The following TDRD12 variants were observed in gnomAD, a reference collection of about 807,000 sequenced individuals.
TDRD12 encodes the protein tudor domain containing 12.
In TDRD12, 158 loss-of-function variants were observed where a neutral mutation model predicts 133.5. The observed-to-expected ratio is 1.18, with a 90% CI of 1.04 to 1.35. The LOEUF is 1.35. Among genes scored for constraint, TDRD12 ranks in the 40% most tolerant of loss-of-function variants. The pLI is 0.00. For missense variants in TDRD12, 1,443 were observed against 1,321.3 expected, an observed-to-expected ratio of 1.09 and a Z score of -1.43; for synonymous variants, 460 against 477.9, an observed-to-expected ratio of 0.96 and a Z score of 0.49.
At chr19:32,739,477 C>G (rs1272254145) in intron 3 of TDRD12, among the ~76,000 whole-genome samples, 1 of 135,512 alleles carries the variant, frequency 7.4e-6, no homozygotes, top group Non-Finnish European at 1.6e-5. Flanking sequence ...GGGGTTCTTC[C>G]TGCATCTCCT....
chr19:32,731,997 A>C, intron 2 of TDRD12, 114 bp downstream of exon 2: 4 of 1,103,542 alleles, frequency 3.6e-6, no homozygotes, highest in Non-Finnish European at 5.0e-6. Context: ...TCTTACACTC[A>C]GTGCCTTGTG....
intron 2 of TDRD12, among the ~76,000 whole-genome samples, chr19:32,737,903 C>T (rs930292160): frequency 1.5e-4 from 23 of 152,078 alleles, no homozygotes; most frequent in Non-Finnish European, 2.9e-4. Context: ...GAGGCCGAGG[C>T]GGGTGGATCA....
exon 8 of TDRD12, chr19:32,826,331 G>T (rs1967588584): frequency 1.5e-6 from 2 of 1,351,228 alleles, no homozygotes; most frequent in South Asian, 4.4e-5. Flanking sequence ...ACAAGTGTCA[G>T]TATTTAAGGG....
At chr19:32,807,294 AAAG>A (rs1971581518) in intron 21 of TDRD12, among the ~76,000 whole-genome samples, 2 of 145,402 alleles carry the variant, frequency 1.4e-5, no homozygotes, top group Admixed American at 6.9e-5. Flanking sequence ...AAAAAAAAAA[AAAG>A]AAAGTTTGCT....
chr19:32,746,145 A>G (rs887605469), intron 4 of TDRD12, among the ~76,000 whole-genome samples: 5 of 147,710 alleles, frequency 3.4e-5, no homozygotes, highest in African/African-American at 1.3e-4. Flanking sequence ...ACGGGGAGAG[A>G]GACTGGCTGA....
At chr19:32,735,837 G>T (rs1969206324) in intron 2 of TDRD12, among the ~76,000 whole-genome samples, 1 of 152,182 alleles carries the variant, frequency 6.6e-6, no homozygotes. Context: ...AGGTGTGGTG[G>T]CGGACACCTG....
chr19:32,817,969 C>CA (rs77102946), intron 26 of TDRD12, 120 bp from the exon 27 acceptor site: 79,397 of 566,616 alleles, frequency 0.14, 17 homozygotes, highest in East Asian at 0.17. Flanking sequence ...GCCTCTGTCT[C>CA]AAAAAAAAAA....
chr19:32,821,093 A>G, exon 28 of TDRD12: 1 of 1,535,994 alleles, frequency 6.5e-7, no homozygotes, highest in Non-Finnish European at 8.7e-7. Flanking sequence ...ACACGGGTGC[A>G]GAAGGAGGGG....
Position 32,729,778 on chromosome 19 carries a change from C to CTTTTTTTT in TDRD12, c.25-1926_25-1919dup, listed in dbSNP as rs1162347194. Among the ~76,000 whole-genome samples the CTTTTTTTT allele has an allele frequency of 5.1e-3, 378 of 73,726 alleles. 13 individuals carry two copies. The highest frequency in any genetic ancestry group is 0.023 in the Middle Eastern group (2 of 86). 48.4% of individuals were successfully genotyped at this position (73,726 alleles called of 152,430 possible). On this transcript the variant is annotated intron_variant, in intron 1 of 27. Transcript: ENST00000444215. ...TTTCTGGTGACTACTTTTTCTTTTT[C>CTTTTTTTT]TTTTTTTTTTTTTTTTTTTTTTTTT...
intron 11 of TDRD12, 89 bp from the exon 12 acceptor site, chr19:32,790,442 C>T: frequency 7.7e-7 from 1 of 1,300,640 alleles, no homozygotes; most frequent in Non-Finnish European, 1.1e-6. Flanking sequence ...GCAGCCCCTG[C>T]TATCTCTGTC....
intron 4 of TDRD12, among the ~76,000 whole-genome samples, chr19:32,747,550 T>G (rs1390972711): frequency 6.6e-6 from 1 of 152,172 alleles, no homozygotes; most frequent in Non-Finnish European, 1.5e-5. Flanking sequence ...TGACATTTTA[T>G]TTTTTTCCTT....
intron 13 of TDRD12, among the ~76,000 whole-genome samples, chr19:32,792,119 G>A (rs748038526): frequency 2.6e-5 from 4 of 151,996 alleles, no homozygotes; most frequent in African/African-American, 4.8e-5. Context: ...GGTGGTACAT[G>A]CCTGTAGTCC....
At chr19:32,804,538 C>CA (rs1294816062) in intron 21 of TDRD12, among the ~76,000 whole-genome samples, 1 of 150,954 alleles carries the variant, frequency 6.6e-6, no homozygotes, top group Non-Finnish European at 1.5e-5. Flanking sequence ...CTAAAAAATA[C>CA]AAAAATTAGC....
chr19:32,747,441 T>C (rs1969685792), intron 4 of TDRD12, among the ~76,000 whole-genome samples: 1 of 152,230 alleles, frequency 6.6e-6, no homozygotes, highest in Non-Finnish European at 1.5e-5. Context: ...AAGTGTTCTA[T>C]GTACATTATC....
At chr19:32,764,150 G>A (rs1025795069) in intron 8 of TDRD12, among the ~76,000 whole-genome samples, 1 of 104,216 alleles carries the variant, frequency 9.6e-6, no homozygotes. Flanking sequence ...TCACCCTGTT[G>A]CCCAGGCTGG....
At chr19:32,747,189 A>C (rs919457952) in intron 4 of TDRD12, among the ~76,000 whole-genome samples, 1 of 152,180 alleles carries the variant, frequency 6.6e-6, no homozygotes, top group Non-Finnish European at 1.5e-5. Context: ...TTACTTGTTC[A>C]TATGTTAGAT....
intron 6 of TDRD12, among the ~76,000 whole-genome samples, chr19:32,752,581 G>A (rs1280211548): frequency 6.6e-6 from 1 of 152,100 alleles, no homozygotes; most frequent in African/African-American, 2.4e-5. Flanking sequence ...TTTTGGAAAT[G>A]TATTTTATTT....
At chr19:32,744,432 G>A (rs1269455166) in intron 4 of TDRD12, among the ~76,000 whole-genome samples, 16 of 145,254 alleles carry the variant, frequency 1.1e-4, no homozygotes, top group Non-Finnish European at 2.3e-4. Flanking sequence ...CCCAGGAGGT[G>A]GAGGTTGCAG....
In TDRD12 at chr19:32,797,895, A is replaced by T. The variant is rs1211175489; in HGVS notation, c.1630+4A>T. On this transcript the variant is annotated splice_donor_region_variant and intron_variant, in intron 15 of 27. Transcript: ENST00000444215. ...AATACAAAGCTTCCAAGGGGCTGTA[A>T]GTATCCTTTTCAAGCGGCTATAAAA... 1.5e-6 allele frequency: 1 copy of T among 686,148 alleles called. No individual in the cohort carries two copies. Among genetic ancestry groups the T allele is most frequent in the Non-Finnish European group, 2.6e-6 (1 of 380,444 alleles). The allele number at this position is 686,148 out of a possible 1,614,324, so 42.5% of individuals were successfully genotyped here. A position where few individuals can be genotyped will look rare whatever the true frequency, so the allele number is the denominator to read the frequency against.
Sources: allele counts gnomAD v4.1 joint callset (sites outside exome capture counted in the v4.1 genomes callset), GRCh38; gene constraint gnomAD v4.1.1; transcripts MANE v1.5; gene names NCBI Gene and HGNC (gene_info 2026-07-23, HGNC 2026-07-21).